CHST11: variants seen among roughly 807,000 people sequenced by gnomAD.
The protein encoded by CHST11 is C4S-1.
Under a neutral mutation model 30.4 loss-of-function variants are expected in CHST11, and 9 were observed. The observed-to-expected ratio is 0.30, with a 90% confidence interval of 0.18 to 0.52. CHST11 has a LOEUF of 0.52. CHST11 is among the 20% of genes least tolerant of loss of function. CHST11 has a pLI of 0.97. For synonymous variants in CHST11, 152 were observed against 187.8 expected (o/e 0.81, Z 1.56); for missense variants, 348 against 460.6 (o/e 0.76, Z 2.24).
intron 1 of CHST11, among the ~76,000 whole-genome samples, chr12:104,477,228 C>T (rs2037572592): frequency 6.6e-6 from 1 of 152,150 alleles, no homozygotes; most frequent in South Asian, 2.1e-4. Flanking sequence ...ATTTAGTCTT[C>T]TCCACAGCCT....
At chr12:104,667,071 A>G (rs1030184682) in intron 2 of CHST11, among the ~76,000 whole-genome samples, 1 of 152,164 alleles carries the variant, frequency 6.6e-6, no homozygotes, top group Non-Finnish European at 1.5e-5. Context: ...TCATTGACAG[A>G]ACTTATGTTA....
chr12:104,574,634 T>C (rs1282839658), intron 1 of CHST11, among the ~76,000 whole-genome samples: 1 of 151,176 alleles, frequency 6.6e-6, no homozygotes, highest in African/African-American at 2.4e-5. Flanking sequence ...CCGCATGTTC[T>C]CACTCATAGG....
intron 1 of CHST11, among the ~76,000 whole-genome samples, chr12:104,514,885 A>G (rs1191190830): frequency 2.6e-5 from 4 of 152,204 alleles, no homozygotes; most frequent in Non-Finnish European, 5.9e-5. Flanking sequence ...TATATCAATG[A>G]GTCACTTTGT....
intron 1 of CHST11, among the ~76,000 whole-genome samples, chr12:104,574,718 G>T (rs1029979577): frequency 6.6e-6 from 1 of 151,986 alleles, no homozygotes; most frequent in African/African-American, 2.4e-5. Flanking sequence ...GTGGGGTGGG[G>T]GTTGGGGGAG....
At chr12:104,608,144 C>A (rs1456958805) in intron 2 of CHST11, among the ~76,000 whole-genome samples, 1 of 152,048 alleles carries the variant, frequency 6.6e-6, no homozygotes, top group Non-Finnish European at 1.5e-5. Context: ...TAATGGGTAG[C>A]CAGGGTTCAG....
intron 1 of CHST11, among the ~76,000 whole-genome samples, chr12:104,485,988 G>A (rs1459172724): frequency 6.6e-6 from 1 of 152,214 alleles, no homozygotes; most frequent in Non-Finnish European, 1.5e-5. Flanking sequence ...CATTCTGTGT[G>A]CGTGTGTGTG....
At chr12:104,470,101 A>G (rs983069150) in intron 1 of CHST11, among the ~76,000 whole-genome samples, 2 of 152,198 alleles carry the variant, frequency 1.3e-5, no homozygotes, top group African/African-American at 4.8e-5. Context: ...TAGTGAGTGG[A>G]GGCCAGGGAT....
intron 2 of CHST11, among the ~76,000 whole-genome samples, chr12:104,744,882 T>TTAC (rs2040378230): frequency 2.6e-5 from 3 of 114,278 alleles, no homozygotes; most frequent in Non-Finnish European, 5.6e-5. Flanking sequence ...TATTTATTTA[T>TTAC]TTATTTTTTG....
chr12:104,543,866 C>T (rs1239426509), intron 1 of CHST11, among the ~76,000 whole-genome samples: 1 of 152,100 alleles, frequency 6.6e-6, no homozygotes, highest in Non-Finnish European at 1.5e-5. Flanking sequence ...TGGAGGTATG[C>T]ACCTATAGTC....
intron 1 of CHST11, among the ~76,000 whole-genome samples, chr12:104,518,846 G>A (rs1023133157): frequency 6.6e-6 from 1 of 152,040 alleles, no homozygotes; most frequent in Admixed American, 6.5e-5. Context: ...AACAAAAGAA[G>A]CAATTTACTG....
In CHST11 at chr12:104,708,667, C is replaced by T. The variant is rs149550416; in HGVS notation, c.205-48282C>T. Among the ~76,000 whole-genome samples, 419 of 152,292 alleles carry T rather than the reference C, an allele frequency of 2.8e-3. 2 individuals are homozygous for T. The highest frequency in any genetic ancestry group is 4.9e-3 in the Non-Finnish European group (331 of 68,016). On this transcript the variant is annotated intron_variant, in intron 2 of 2. Coordinates refer to ENST00000303694, the MANE Select transcript of CHST11 (RefSeq NM_018413.6). ...CGTCCTCACCATCTCTGGGGTCACA[C>T]GGAAGCCAGGCTGGGCTCCCCTCTG... is the stretch of plus-strand genomic sequence containing the variant.
chr12:104,610,043 CTGTGTGTGTG>C (rs56983056), intron 2 of CHST11, among the ~76,000 whole-genome samples: 25,291 of 142,930 alleles, frequency 0.18, 2,125 homozygotes, highest in Non-Finnish European at 0.21. Flanking sequence ...ATGAGTGCCT[CTGTGTGTGTG>C]TGTGTGTGTG....
intron 2 of CHST11, among the ~76,000 whole-genome samples, chr12:104,683,480 T>C (rs562684278): frequency 3.9e-5 from 6 of 152,312 alleles, no homozygotes; most frequent in Non-Finnish European, 7.4e-5. Flanking sequence ...AATCCAGCTG[T>C]GGCTACACTG....
chr12:104,474,033 T>C (rs560215904), intron 1 of CHST11, among the ~76,000 whole-genome samples: 1 of 152,068 alleles, frequency 6.6e-6, no homozygotes. Flanking sequence ...CAGCGTGTTT[T>C]AAAGGGGGCA....
chr12:104,464,863 G>A (rs1240249494), intron 1 of CHST11, among the ~76,000 whole-genome samples: 1 of 152,182 alleles, frequency 6.6e-6, no homozygotes, highest in Non-Finnish European at 1.5e-5. Flanking sequence ...ATGGATCAGC[G>A]CTCTGGGAGT....
chr12:104,601,851 C>T (rs2038959749), intron 1 of CHST11, 55 bp from the exon 2 acceptor site: 1 of 1,428,166 alleles, frequency 7.0e-7, no homozygotes, highest in African/African-American at 1.4e-5. Context: ...TTTTCTTTGA[C>T]AGACAACAAA....
At chr12:104,669,950 T>G (rs186367708) in intron 2 of CHST11, among the ~76,000 whole-genome samples, 3 of 152,388 alleles carry the variant, frequency 2.0e-5, no homozygotes, top group Admixed American at 2.0e-4. Context: ...TATCAAATAC[T>G]TGTGCTTAGC....
intron 2 of CHST11, among the ~76,000 whole-genome samples, chr12:104,637,491 AT>A (rs1232815191): frequency 1.3e-5 from 2 of 151,988 alleles, no homozygotes; most frequent in Non-Finnish European, 2.9e-5. Context: ...TATAATAATA[AT>A]TTTTAAAAAA....
intron 1 of CHST11, among the ~76,000 whole-genome samples, chr12:104,590,103 C>T (rs2038843586): frequency 1.3e-5 from 2 of 152,208 alleles, no homozygotes; most frequent in South Asian, 4.1e-4. Context: ...CTTGTAAGTA[C>T]CTACACCCAG....
Sources: allele counts gnomAD v4.1 joint callset (sites outside exome capture counted in the v4.1 genomes callset), GRCh38; gene constraint gnomAD v4.1.1; transcripts MANE v1.5; gene names NCBI Gene and HGNC (gene_info 2026-07-23, HGNC 2026-07-21).